The following ZFP36L1 variants were observed in gnomAD, a reference collection of about 807,000 sequenced individuals.
ZFP36L1 encodes ZFP36 like 1 zinc finger CCCH-type, also known as mRNA decay activator protein ZFP36L1.
ZFP36L1 carries 4 observed loss-of-function variants against 16.7 expected under a neutral mutation model. The observed-to-expected ratio is 0.24, with a 90% CI of 0.12 to 0.55. The LOEUF (loss-of-function observed/expected upper bound fraction) is 0.55, where lower values mean the gene tolerates loss of function less well. Ranked by LOEUF, ZFP36L1 falls within the 20% of genes least tolerant of loss-of-function variation. The pLI is 0.94. For missense variants in ZFP36L1, 311 were observed against 449.2 expected (o/e 0.69, Z 2.78); for synonymous variants, 220 against 190.8 (o/e 1.15, Z -1.26).
chr14:68,788,162 T>A lies in ZFP36L1; in HGVS notation c.*1371A>T, dbSNP rs1324359765. On this transcript the variant is annotated 3_prime_UTR_variant, in exon 2 of 2. Transcript: ENST00000439696. ...TTTTAAAATAAAATAACCAAAAAAG[T>A]GTAAAGTTACAAAAAATGTCGTTGA... is the stretch of plus-strand genomic sequence containing the variant. 6.6e-6 allele frequency: 1 copy of A among 151,968 alleles called. No homozygotes were observed. Among genetic ancestry groups the A allele is most frequent in the Non-Finnish European group, 1.5e-5 (1 of 67,982 alleles). 9.4% of individuals were successfully genotyped at this position (151,968 alleles called of 1,614,324 possible).
At chr14:68,796,043 C>T (rs756329125), upstream of ZFP36L1, 1 of 1,334,444 alleles carries the variant, frequency 7.5e-7, no homozygotes, top group Non-Finnish European at 9.9e-7. Context: ...CGCTCCTTAC[C>T]CGCGCAGTCC....
chr14:68,792,867 T>C lies in ZFP36L1; in HGVS notation c.57+15A>G, dbSNP rs2140212856. On this transcript the variant is annotated intron_variant, in intron 1 of 1. Transcript: ENST00000439696. ...AAAAGACTTTTTGAAAAGCAAATGCTCCGCCCCCCTTTACCTTGCATAAAA... is the reference window on the plus strand; with the variant it reads ...AAAAGACTTTTTGAAAAGCAAATGCCCCGCCCCCCTTTACCTTGCATAAAA... 1 of 1,614,070 alleles carries C rather than the reference T, an allele frequency of 6.2e-7. No homozygotes were observed. The highest frequency in any genetic ancestry group is 1.1e-5 in the South Asian group (1 of 91,088).
chr14:68,792,614 C>T (rs1374713415), intron 1 of ZFP36L1, among the ~76,000 whole-genome samples: 3 of 152,252 alleles, frequency 2.0e-5, no homozygotes, highest in East Asian at 1.9e-4. Flanking sequence ...CCCCCCGAAG[C>T]CCCCGGGCTG....
upstream of ZFP36L1, among the ~76,000 whole-genome samples, chr14:68,794,982 G>A (rs1366440209): frequency 6.6e-6 from 1 of 152,052 alleles, no homozygotes; most frequent in African/African-American, 2.4e-5. Context: ...CTGCCCTCCA[G>A]CCGTCTGTTG....
rs549262013 is a variant in ZFP36L1 at position 68,789,818 on chromosome 14, G to T, written c.732C>A (p.Pro244=). The T allele has an allele frequency of 3.2e-5, 51 of 1,612,582 alleles. No homozygotes were observed. The South Asian group carries it at 5.5e-4, about 17-fold the overall frequency. The change falls in exon 2 of 2, where the codon CCC becomes CCA. Residue 244 remains proline, a synonymous_variant. Transcript: ENST00000439696. The surrounding 1 kb of genome is among the most constrained non-coding windows in gnomAD (Gnocchi z 4.5). ...ADDLLGSPTL[P]DGTNNPFAFS... ...AGGCAAAAGGGTTATTGGTGCCATCGGGCAGGGTAGGTGAGCCCAGGAGGT... is the reference window on the plus strand; with the variant it reads ...AGGCAAAAGGGTTATTGGTGCCATCTGGCAGGGTAGGTGAGCCCAGGAGGT...
At chr14:68,791,018 G>A (rs1895053802) in intron 1 of ZFP36L1, 1 of 701,928 alleles carries the variant, frequency 1.4e-6, no homozygotes, top group Non-Finnish European at 2.6e-6. Context: ...CTTCAGAAGT[G>A]TTCCCTTCCT....
chr14:68,791,552 G>A (rs1011600476), intron 1 of ZFP36L1, among the ~76,000 whole-genome samples: 1 of 151,948 alleles, frequency 6.6e-6, no homozygotes, highest in Non-Finnish European at 1.5e-5. Context: ...AGGATCAGCA[G>A]GGGGGGACCG....
upstream of ZFP36L1, among the ~76,000 whole-genome samples, chr14:68,795,485 C>T (rs1177012062): frequency 6.6e-6 from 1 of 152,220 alleles, no homozygotes; most frequent in African/African-American, 2.4e-5. Flanking sequence ...CCGGCTATGC[C>T]CCTGCTTCGG....
upstream of ZFP36L1, chr14:68,793,196 C>A (rs1895153719): frequency 8.7e-7 from 1 of 1,150,562 alleles, no homozygotes; most frequent in Non-Finnish European, 1.1e-6. Flanking sequence ...GTTGAATCAG[C>A]CATGCGGTCA....
At chr14:68,794,725 C>G (rs545370184), upstream of ZFP36L1, 1 of 152,536 alleles carries the variant, frequency 6.6e-6, no homozygotes, top group East Asian at 1.9e-4. Context: ...ATTCTCACCA[C>G]CCCCAACACA....
chr14:68,789,326 G>A lies in ZFP36L1; in HGVS notation c.*207C>T, dbSNP rs1027453735. ...GGGAGGGGGTTTCAAGCCAGAAGAAGCTACTGACAAATTGACTTGTCCTTA... is the reference window on the plus strand; with the variant it reads ...GGGAGGGGGTTTCAAGCCAGAAGAAACTACTGACAAATTGACTTGTCCTTA... On this transcript the variant is annotated 3_prime_UTR_variant, in exon 2 of 2. Transcript: ENST00000439696. This position sits in a 1 kb window ranked among gnomAD's most constrained non-coding sequence, Gnocchi z 4.5. 151 of 651,960 alleles carry A rather than the reference G, an allele frequency of 2.3e-4. No homozygotes were observed. The highest frequency in any genetic ancestry group is 1.7e-3 in the Middle Eastern group (4 of 2,338). 40.4% of individuals were successfully genotyped at this position (651,960 alleles called of 1,614,324 possible). A position where few individuals can be genotyped will look rare whatever the true frequency, so the allele number is the denominator to read the frequency against.
upstream of ZFP36L1, chr14:68,795,739 C>G: frequency 1.9e-6 from 1 of 525,418 alleles, no homozygotes; most frequent in Non-Finnish European, 3.9e-6. Context: ...TTTGTTCCAG[C>G]TCCCAGAGCC....
chr14:68,793,034 G>A lies in ZFP36L1; in HGVS notation c.-96C>T, dbSNP rs762552122. On this transcript the variant is annotated 5_prime_UTR_variant, in exon 1 of 2. Coordinates refer to ENST00000439696, the MANE Select transcript of ZFP36L1 (RefSeq NM_004926.4). ...GCCTCTCCTGTCTGGAGTCCCACACGCCAGTTCCCGGCGCCCCTCGCCTTT... is the reference window on the plus strand; with the variant it reads ...GCCTCTCCTGTCTGGAGTCCCACACACCAGTTCCCGGCGCCCCTCGCCTTT... 2.5e-6 allele frequency: 4 copies of A among 1,600,546 alleles called. No homozygotes were observed. The highest frequency in any genetic ancestry group is 2.6e-6 in the Non-Finnish European group (3 of 1,176,352).
rs1367876868 is a variant in ZFP36L1 at position 68,789,990 on chromosome 14, C to A, written c.560G>T (p.Gly187Val). 4 of 1,606,236 alleles carry A rather than the reference C, an allele frequency of 2.5e-6. No homozygotes were observed. Among genetic ancestry groups the A allele is most frequent in the Non-Finnish European group, 3.4e-6 (4 of 1,176,710 alleles). ...HNAEERRALA[G>V]ARDLSADRPR... ...ACGGTCAGCGGAGAGGTCCCGGGCC[C>A]CGGCCAGGGCACGGCGCTCTTCAGC... The change falls in exon 2 of 2, where the codon GGG (glycine) becomes GTG (valine). Residue 187 changes from glycine (G) to valine (V), a missense_variant. Gly to Val is a moderately radical substitution (Grantham distance 109, BLOSUM62 -3). This residue lies in a region of ZFP36L1 where 147 missense variants were observed against 192.0 expected (regional missense o/e 0.77). Transcript: ENST00000439696. This position sits in a 1 kb window ranked among gnomAD's most constrained non-coding sequence, Gnocchi z 4.5.
upstream of ZFP36L1, among the ~76,000 whole-genome samples, chr14:68,795,549 G>T (rs949359775): frequency 1.3e-5 from 2 of 152,214 alleles, no homozygotes; most frequent in Admixed American, 1.3e-4. Context: ...ACCATCAGGC[G>T]CCCCAGAATG....
chr14:68,792,870 GC>G lies in ZFP36L1; in HGVS notation c.57+11del, dbSNP rs755580988. On this transcript the variant is annotated intron_variant, in intron 1 of 1. Coordinates refer to ENST00000439696, the MANE Select transcript of ZFP36L1 (RefSeq NM_004926.4). ...AGACTTTTTGAAAAGCAAATGCTCC[GC>G]CCCCCTTTACCTTGCATAAAACTTC... The G allele has an allele frequency of 2.5e-6, 4 of 1,613,976 alleles. No individual in the cohort carries two copies. The South Asian group carries it at 4.4e-5, about 18-fold the overall frequency.
At chr14:68,791,553 G>T (rs1043401502) in intron 1 of ZFP36L1, among the ~76,000 whole-genome samples, 1 of 151,988 alleles carries the variant, frequency 6.6e-6, no homozygotes, top group South Asian at 2.1e-4. Context: ...GGATCAGCAG[G>T]GGGGGACCGG....
rs924721241 is a variant in ZFP36L1, at chr14:68,788,452, AG to A, written c.*1080del. On this transcript the variant is annotated 3_prime_UTR_variant, in exon 2 of 2. Transcript: ENST00000439696. ...GAAAGTTATATGAAGTTTAAAACCCAGGGAAGAAAGCATGGCGTGAGTGCTC... is the reference window on the plus strand; with the variant it reads ...GAAAGTTATATGAAGTTTAAAACCCAGGAAGAAAGCATGGCGTGAGTGCTC... The A allele has an allele frequency of 5.2e-5, 8 of 152,780 alleles. No individual in the cohort carries two copies. The highest frequency in any genetic ancestry group is 4.6e-4 in the Admixed American group (7 of 15,284). 9.5% of individuals were successfully genotyped at this position (152,780 alleles called of 1,614,324 possible).
upstream of ZFP36L1, chr14:68,794,791 G>A (rs1895204912): frequency 6.6e-6 from 1 of 152,398 alleles, no homozygotes; most frequent in Admixed American, 6.5e-5. Flanking sequence ...GGCAAACCCA[G>A]CGAAACCTTC....
Sources: allele counts gnomAD v4.1 joint callset (sites outside exome capture counted in the v4.1 genomes callset), GRCh38; gene constraint gnomAD v4.1.1; regional missense constraint gnomAD v4.1.1; non-coding constraint Gnocchi (gnomAD v3.1); transcripts MANE v1.5; gene names NCBI Gene and HGNC (gene_info 2026-07-23, HGNC 2026-07-21).